Variants in PDE1A observed in about 807,000 individuals in gnomAD.
The protein encoded by PDE1A is dual specificity calcium/calmodulin-dependent 3',5'-cyclic nucleotide phosphodiesterase 1A.
PDE1A carries 35 observed loss-of-function variants against 61.7 expected under a neutral mutation model. The observed-to-expected ratio is 0.57, with a 90% confidence interval of 0.43 to 0.75. The LOEUF is 0.75. PDE1A is among the 30% of genes least tolerant of loss of function. The probability of loss-of-function intolerance (pLI) is 0.00; values close to 1 mark genes in which losing one functional copy is unlikely to be tolerated. For synonymous variants in PDE1A, 232 were observed against 213.2 expected (o/e 1.09, Z -0.77); for missense variants, 597 against 630.6 (o/e 0.95, Z 0.57).
chr2:182,454,162 G>T (rs1252851395), intron 2 of PDE1A, among the ~76,000 whole-genome samples: 25 of 152,184 alleles, frequency 1.6e-4, no homozygotes, highest in African/African-American at 4.8e-4. Context: ...TGAACTCCCA[G>T]TCAGAATTGC....
chr2:182,242,899 C>CT (rs1690647447), intron 2 of PDE1A, among the ~76,000 whole-genome samples: 9 of 103,678 alleles, frequency 8.7e-5, no homozygotes, highest in South Asian at 3.5e-4. Flanking sequence ...TCTCTCTCTC[C>CT]CTCTCTCTCT....
intron 1 of PDE1A, among the ~76,000 whole-genome samples, chr2:182,422,645 A>G (rs1426598839): frequency 6.6e-6 from 1 of 152,210 alleles, no homozygotes; most frequent in African/African-American, 2.4e-5. Flanking sequence ...AAAGTTATAT[A>G]AAGATCCTTC....
At chr2:182,627,257 T>TAAATAA in the PDE1A span, among the ~76,000 whole-genome samples, 2 of 14,314 alleles carry the variant, frequency 1.4e-4, no homozygotes, top group African/African-American at 2.0e-4. Flanking sequence ...AAATAATATA[T>TAAATAA]TATTTATATA....
intron 7 of PDE1A, among the ~76,000 whole-genome samples, chr2:182,222,453 G>C (rs1044563027): frequency 2.6e-5 from 4 of 151,904 alleles, no homozygotes; most frequent in Non-Finnish European, 5.9e-5. Context: ...TATTGTGTGT[G>C]ATACTGCAAT....
At chr2:182,476,792 T>C (rs753730140) in intron 2 of PDE1A, among the ~76,000 whole-genome samples, 103 of 151,448 alleles carry the variant, frequency 6.8e-4, no homozygotes, top group Non-Finnish European at 1.3e-3. Context: ...AACTGGAATA[T>C]AGTAACATAA....
At chr2:182,559,436 A>C in the PDE1A span, among the ~76,000 whole-genome samples, 1 of 152,176 alleles carries the variant, frequency 6.6e-6, no homozygotes, top group South Asian at 2.1e-4. Flanking sequence ...TCTGACCACA[A>C]AACATCCATC....
chr2:182,627,866 C>A, the PDE1A span, among the ~76,000 whole-genome samples: 1 of 151,498 alleles, frequency 6.6e-6, no homozygotes, highest in East Asian at 1.9e-4. Context: ...ATCACTTGAA[C>A]CCGGGAGGTG....
At chr2:182,652,738 A>T in the PDE1A span, among the ~76,000 whole-genome samples, 4 of 152,206 alleles carry the variant, frequency 2.6e-5, no homozygotes, top group Non-Finnish European at 2.9e-5. Context: ...GAAACTACAA[A>T]TGCTGCAACT....
chr2:182,200,246 C>T (rs1238934697), intron 10 of PDE1A, among the ~76,000 whole-genome samples: 1 of 152,150 alleles, frequency 6.6e-6, no homozygotes. Flanking sequence ...AGACTCTAGG[C>T]TAATGAGGCA....
chr2:182,410,880 A>G (rs1007310227), intron 1 of PDE1A, among the ~76,000 whole-genome samples: 3 of 152,138 alleles, frequency 2.0e-5, no homozygotes, highest in Non-Finnish European at 4.4e-5. Flanking sequence ...GTGTCTCCTC[A>G]ATGTCACTCT....
At chr2:182,626,814 CATATATATATACAT>C in the PDE1A span, among the ~76,000 whole-genome samples, 1 of 17,868 alleles carries the variant, frequency 5.6e-5, no homozygotes, top group Non-Finnish European at 1.0e-4. Flanking sequence ...TATATATATA[CATATATATATACAT>C]ATATATATAC....
chr2:182,591,051 A>G, the PDE1A span, among the ~76,000 whole-genome samples: 2 of 152,232 alleles, frequency 1.3e-5, no homozygotes, highest in African/African-American at 4.8e-5. Flanking sequence ...TAAGAATGCC[A>G]GTAGTTCCTT....
chr2:182,536,455 T>C, the PDE1A span, among the ~76,000 whole-genome samples: 1 of 152,170 alleles, frequency 6.6e-6, no homozygotes, highest in Non-Finnish European at 1.5e-5. Context: ...GCAGAAATTG[T>C]TGAGTGCCTA....
intron 13 of PDE1A, among the ~76,000 whole-genome samples, chr2:182,156,056 C>A (rs1691064638): frequency 6.6e-6 from 1 of 152,132 alleles, no homozygotes; most frequent in Non-Finnish European, 1.5e-5. Flanking sequence ...TGCCTGCCAC[C>A]ATGTAAGCCA....
intron 2 of PDE1A, among the ~76,000 whole-genome samples, chr2:182,465,260 C>T (rs1686579160): frequency 6.6e-6 from 1 of 152,068 alleles, no homozygotes; most frequent in Non-Finnish European, 1.5e-5. Context: ...GAATAACTAG[C>T]TTTGCTTTCA....
At chr2:182,198,722 T>C (rs1460152471) in intron 10 of PDE1A, among the ~76,000 whole-genome samples, 1 of 151,826 alleles carries the variant, frequency 6.6e-6, no homozygotes, top group Non-Finnish European at 1.5e-5. Flanking sequence ...TTGCTAAAAA[T>C]TTTAAAAATT....
chr2:182,373,419 T>C (rs987239310), intron 1 of PDE1A, among the ~76,000 whole-genome samples: 3 of 152,210 alleles, frequency 2.0e-5, no homozygotes, highest in Non-Finnish European at 4.4e-5. Flanking sequence ...TTAATGTCAG[T>C]ACAACCACAT....
chr2:182,691,861 C>T, the PDE1A span, among the ~76,000 whole-genome samples: 11 of 151,718 alleles, frequency 7.3e-5, no homozygotes, highest in South Asian at 4.2e-4. Context: ...AAAAAGTGGG[C>T]GAAGGATATG....
chr2:182,240,726 T>C (rs1690435777), intron 2 of PDE1A, among the ~76,000 whole-genome samples: 1 of 152,204 alleles, frequency 6.6e-6, no homozygotes, highest in Non-Finnish European at 1.5e-5. Flanking sequence ...TTAATAATCT[T>C]GTGTGTATCT....
Sources: gnomAD v4.1 joint callset for allele counts (sites outside exome capture counted in the v4.1 genomes callset) on GRCh38, gnomAD v4.1.1 for gene constraint, MANE v1.5 for transcripts, NCBI Gene and HGNC (gene_info 2026-07-23, HGNC 2026-07-21) for gene names.